The following ADNP variants were observed in gnomAD, a reference collection of about 807,000 sequenced individuals.
ADNP encodes the protein activity-dependent neuroprotector homeobox protein.
Under a neutral mutation model 84.9 loss-of-function variants are expected in ADNP, and 4 were observed. That is an observed-to-expected ratio of 0.05 (90% CI 0.02 to 0.11). ADNP has a LOEUF of 0.11. Among genes scored for constraint, ADNP ranks in the 10% least tolerant of loss-of-function variants. The pLI is 1.00. For missense variants in ADNP, 1,132 were observed against 1,326.0 expected (o/e 0.85, Z 2.27); for synonymous variants, 554 against 468.1 (o/e 1.18, Z -2.37).
At chr20:50,915,928 CTT>C (rs1983476524) in intron 2 of ADNP, among the ~76,000 whole-genome samples, 1 of 152,122 alleles carries the variant, frequency 6.6e-6, no homozygotes, top group Non-Finnish European at 1.5e-5. Context: ...TTATAACACT[CTT>C]AATAAAGATA....
At chr20:50,914,662 G>C (rs79219792) in intron 2 of ADNP, among the ~76,000 whole-genome samples, 264 of 151,998 alleles carry the variant, frequency 1.7e-3, no homozygotes, top group African/African-American at 6.2e-3. Flanking sequence ...GTGATTCCGT[G>C]GCTGTTGTTA....
Position 50,900,724 on chromosome 20 carries a change from C to CTA in ADNP, c.201+1292_201+1293insTA, listed in dbSNP as rs142147335. 8.4e-3 allele frequency among the ~76,000 whole-genome samples: 1,279 copies of CTA among 152,290 alleles called. 10 individuals carry two copies. The highest frequency in any genetic ancestry group is 0.014 in the Middle Eastern group (4 of 294). ...ACAATTACAAGAGATAAAGCTATAT[C>CTA]TTTTATTCCTTTCCTCATTATGGAT... On this transcript the variant is annotated intron_variant, in intron 5 of 5. Coordinates refer to ENST00000621696, the MANE Select transcript of ADNP (RefSeq NM_001282531.3).
intron 2 of ADNP, among the ~76,000 whole-genome samples, chr20:50,915,817 GAAGAT>G (rs1315369596): frequency 2.0e-5 from 3 of 152,158 alleles, no homozygotes; most frequent in African/African-American, 7.2e-5. Context: ...AGAGAACCAG[GAAGAT>G]AAGAAAGAAA....
At chr20:50,922,415 A>G (rs1321166774) in intron 2 of ADNP, among the ~76,000 whole-genome samples, 1 of 151,970 alleles carries the variant, frequency 6.6e-6, no homozygotes, top group Non-Finnish European at 1.5e-5. Flanking sequence ...AATTTGCTGG[A>G]GCATCTCACA....
intron 3 of ADNP, chr20:50,904,259 T>TGGTTCATTGACTGCAGTGCACTCAC: frequency 2.4e-6 from 1 of 418,912 alleles, no homozygotes. Flanking sequence ...AGTGCACTCA[T>TGGTTCATTGACTGCAGTGCACTCAC]GGTTCATTGA....
rs2122719663 is a variant in ADNP, at chr20:50,889,698, G to A, written c.*1707C>T. On this transcript the variant is annotated 3_prime_UTR_variant, in exon 6 of 6. Transcript: ENST00000621696. ...CTGACCAGCCTCCTCATGGATTGGA[G>A]TTTCCCATCATTGTTTTAATTGCTG... is the stretch of plus-strand genomic sequence containing the variant. 2.5e-6 allele frequency: 1 copy of A among 392,178 alleles called. No homozygotes were observed. The highest frequency in any genetic ancestry group is 6.5e-4 in the Middle Eastern group (1 of 1,540). The allele number at this position is 392,178 out of a possible 1,614,324, so 24.3% of individuals were successfully genotyped here.
chr20:50,891,516 A>G lies in ADNP; in HGVS notation c.3198T>C (p.Asn1066=). 5.0e-6 allele frequency: 8 copies of G among 1,612,216 alleles called. No individual in the cohort carries two copies. The highest frequency in any genetic ancestry group is 6.8e-6 in the Non-Finnish European group (8 of 1,180,018). Reference sequence around the variant, plus strand: ...CCCCATCCTCACTGTCAATTGTGCTATTCTGCCACTCAATCTGGGGGTTAG... The same window carrying G: ...CCCCATCCTCACTGTCAATTGTGCTGTTCTGCCACTCAATCTGGGGGTTAG... ...RLSNPQIEWQ[N]STIDSEDGEQ... is the part of the protein sequence containing the mutation. The change falls in exon 6 of 6, where the codon AAT becomes AAC. Residue 1066 remains asparagine, a synonymous_variant. Transcript: ENST00000621696.
intron 2 of ADNP, among the ~76,000 whole-genome samples, chr20:50,915,160 AC>A (rs1983413168): frequency 3.9e-5 from 6 of 152,210 alleles, no homozygotes; most frequent in Admixed American, 3.9e-4. Context: ...AAAGAAAAAA[AC>A]ATCATTCTTG....
chr20:50,931,399 TC>T lies in ADNP; in HGVS notation c.-839del, dbSNP rs910967184. On this transcript the variant is annotated 5_prime_UTR_variant, in exon 1 of 6. Coordinates refer to ENST00000621696, the MANE Select transcript of ADNP (RefSeq NM_001282531.3). The stretch of plus-strand genomic sequence containing the variant: ...GACAATACAAGCGCCTCGGACCGAG[TC>T]CCCGAACCTGCCCTAGCCAAAATGG... 2.0e-5 allele frequency: 3 copies of T among 151,332 alleles called. No homozygotes were observed. The highest frequency in any genetic ancestry group is 4.9e-5 in the African/African-American group (2 of 40,832). The allele number at this position is 151,332 out of a possible 1,614,324, so 9.4% of individuals were successfully genotyped here.
intron 5 of ADNP, among the ~76,000 whole-genome samples, chr20:50,899,063 C>A (rs2122799050): frequency 6.6e-6 from 1 of 152,018 alleles, no homozygotes; most frequent in East Asian, 1.9e-4. Flanking sequence ...GGATTTTTTC[C>A]AAACAAATGT....
Position 50,914,267 on chromosome 20 carries a change from A to G in ADNP, c.-89-9418T>C, listed in dbSNP as rs772739385. 59 of 705,882 alleles carry G rather than the reference A, an allele frequency of 8.4e-5. 1 individual carries two copies. In the East Asian group the frequency reaches 1.4e-3, roughly 16 times the overall value. The allele number at this position is 705,882 out of a possible 1,614,324, so 43.7% of individuals were successfully genotyped here. A position where few individuals can be genotyped will look rare whatever the true frequency, so the allele number is the denominator to read the frequency against. ...AACACTCCTCCACACTTAGTCTGTG[A>G]TAAGAGTGGAAGAAGCAAAACTGCT... On this transcript the variant is annotated intron_variant, in intron 2 of 5. Transcript: ENST00000621696.
At chr20:50,913,850 T>A in intron 2 of ADNP, 1 of 558,892 alleles carries the variant, frequency 1.8e-6, no homozygotes, top group Non-Finnish European at 3.4e-6. Flanking sequence ...AGGACAGAAG[T>A]GCATTGCATT....
At chr20:50,930,082 G>A (rs1984576606) in intron 1 of ADNP, among the ~76,000 whole-genome samples, 1 of 152,054 alleles carries the variant, frequency 6.6e-6, no homozygotes, top group Non-Finnish European at 1.5e-5. Context: ...GAGGAAAGAA[G>A]AGGTGAATAC....
chr20:50,898,245 C>T (rs1445231767), intron 5 of ADNP, among the ~76,000 whole-genome samples: 1 of 152,206 alleles, frequency 6.6e-6, no homozygotes, highest in South Asian at 2.1e-4. Flanking sequence ...CACAAACTCA[C>T]CACTTTCCCA....
At chr20:50,922,578 GT>G (rs58775431) in intron 2 of ADNP, among the ~76,000 whole-genome samples, 169 of 125,442 alleles carry the variant, frequency 1.3e-3, no homozygotes, top group Middle Eastern at 4.0e-3. Context: ...GTCCTCCTGC[GT>G]TTTTTTTTTT....
At chr20:50,911,312 A>C (rs1983006396) in intron 2 of ADNP, among the ~76,000 whole-genome samples, 1 of 152,064 alleles carries the variant, frequency 6.6e-6, no homozygotes, top group South Asian at 2.1e-4. Flanking sequence ...AGTTTCCCCC[A>C]GGTTTCCCTA....
Position 50,931,298 on chromosome 20 carries a change from G to T in ADNP, c.-737C>A, listed in dbSNP as rs1984756840. 7.0e-6 allele frequency: 1 copy of T among 142,776 alleles called. No homozygotes were observed. The highest frequency in any genetic ancestry group is 2.1e-4 in the South Asian group (1 of 4,860). The allele number at this position is 142,776 out of a possible 1,614,324, so 8.8% of individuals were successfully genotyped here. A position where few individuals can be genotyped will look rare whatever the true frequency, so the allele number is the denominator to read the frequency against. ...AGCTCATGGATCCCGGCGGGCGGCG[G>T]AGGGGAGACCGGGCCGGCGGAGGCG... On this transcript the variant is annotated 5_prime_UTR_variant, in exon 1 of 6. Transcript: ENST00000621696.
rs984857005 is a variant in ADNP, at chr20:50,928,687, AG to A, written c.-127del. 3.3e-5 allele frequency: 5 copies of A among 152,404 alleles called. No individual in the cohort carries two copies. Among genetic ancestry groups the A allele is most frequent in the African/African-American group, 1.2e-4 (5 of 41,580 alleles). 9.4% of individuals were successfully genotyped at this position (152,404 alleles called of 1,614,324 possible). On this transcript the variant is annotated 5_prime_UTR_variant, in exon 2 of 6. An upstream open reading frame in the 5' UTR gains an earlier in-frame stop. Transcript: ENST00000621696. The stretch of plus-strand genomic sequence containing the variant: ...GACAATGTGGTCCAAAGAGCAAGGC[AG>A]GAAACGGAGTCCAGATCCTCAAAAT...
chr20:50,889,249 T>C lies in ADNP; in HGVS notation c.*2156A>G, dbSNP rs915570443. On this transcript the variant is annotated 3_prime_UTR_variant, in exon 6 of 6. Transcript: ENST00000621696. ...GACCTGGACCCCAAGCCCCGTGGTG[T>C]CTTGTACAAGTCTCATTAGTCCTCC... 2 of 152,184 alleles carry C rather than the reference T, an allele frequency of 1.3e-5. No individual in the cohort carries two copies. Among genetic ancestry groups the C allele is most frequent in the African/African-American group, 4.8e-5 (2 of 41,450 alleles). 9.4% of individuals were successfully genotyped at this position (152,184 alleles called of 1,614,324 possible).
Sources: gnomAD v4.1 joint callset for allele counts (sites outside exome capture counted in the v4.1 genomes callset) on GRCh38, gnomAD v4.1.1 for gene constraint, MANE v1.5 for transcripts, NCBI Gene and HGNC (gene_info 2026-07-23, HGNC 2026-07-21) for gene names.